Variants in ST6GALNAC3 observed in about 807,000 individuals in gnomAD.
ST6GALNAC3 encodes alpha-N-acetylgalactosaminide alpha-2,6-sialyltransferase 3.
Under a neutral mutation model 32.7 loss-of-function variants are expected in ST6GALNAC3, and 25 were observed. The ratio of observed to expected loss-of-function variants is 0.76; its 90% confidence interval spans 0.56 to 1.07. The LOEUF is 1.07. ST6GALNAC3 is among the 50% of genes least tolerant of loss of function. The pLI is 0.00. For synonymous variants in ST6GALNAC3, 129 were observed against 133.1 expected (o/e 0.97, Z 0.21); for missense variants, 355 against 382.4 (o/e 0.93, Z 0.60).
At chr1:76,329,679 A>T (rs1647149756) in intron 2 of ST6GALNAC3, among the ~76,000 whole-genome samples, 1 of 152,166 alleles carries the variant, frequency 6.6e-6, no homozygotes, top group Non-Finnish European at 1.5e-5. Context: ...AATAACTAAT[A>T]ATTATAAACA....
intron 1 of ST6GALNAC3, among the ~76,000 whole-genome samples, chr1:76,091,430 A>G (rs1647044276): frequency 6.6e-6 from 1 of 152,202 alleles, no homozygotes; most frequent in African/African-American, 2.4e-5. Flanking sequence ...CTTCTGCCCC[A>G]TTGTGCATTA....
intron 3 of ST6GALNAC3, among the ~76,000 whole-genome samples, chr1:76,463,402 T>C (rs954458923): frequency 6.6e-6 from 1 of 152,182 alleles, no homozygotes; most frequent in African/African-American, 2.4e-5. Flanking sequence ...TCATTGGAGA[T>C]AAGACAGTTT....
At chr1:76,411,310 G>C (rs1654219217) in intron 2 of ST6GALNAC3, among the ~76,000 whole-genome samples, 1 of 152,062 alleles carries the variant, frequency 6.6e-6, no homozygotes, top group South Asian at 2.1e-4. Context: ...TAAATAAAAA[G>C]GGAGAAAGGG....
chr1:76,314,049 G>T, intron 2 of ST6GALNAC3, 50 bp downstream of exon 2: 10 of 1,556,338 alleles, frequency 6.4e-6, no homozygotes, highest in Non-Finnish European at 8.7e-6. Flanking sequence ...CATGGTAACA[G>T]CTTTTCTTTA....
chr1:76,600,921 G>T, intron 3 of ST6GALNAC3, among the ~76,000 whole-genome samples: 1 of 152,276 alleles, frequency 6.6e-6, no homozygotes, highest in African/African-American at 2.4e-5. Flanking sequence ...GGTCACTCAC[G>T]CCTGTAATCC....
At chr1:76,545,979 A>C (rs983907017) in intron 3 of ST6GALNAC3, among the ~76,000 whole-genome samples, 1 of 152,186 alleles carries the variant, frequency 6.6e-6, no homozygotes, top group African/African-American at 2.4e-5. Flanking sequence ...TTTACAGATG[A>C]AAAAACTGAG....
At chr1:76,362,759 A>G (rs1383996585) in intron 2 of ST6GALNAC3, among the ~76,000 whole-genome samples, 1 of 152,256 alleles carries the variant, frequency 6.6e-6, no homozygotes, top group Non-Finnish European at 1.5e-5. Flanking sequence ...CATCTGGGAC[A>G]CACTGATGCA....
chr1:76,581,679 A>G (rs1449517096), intron 3 of ST6GALNAC3, among the ~76,000 whole-genome samples: 1 of 152,190 alleles, frequency 6.6e-6, no homozygotes, highest in Non-Finnish European at 1.5e-5. Flanking sequence ...ATACTTGAAC[A>G]TTGGCAATTT....
chr1:76,590,625 T>A (rs971368202), intron 3 of ST6GALNAC3, among the ~76,000 whole-genome samples: 1 of 152,198 alleles, frequency 6.6e-6, no homozygotes, highest in Non-Finnish European at 1.5e-5. Context: ...ATATTTAAAA[T>A]TAATAATTTT....
chr1:76,522,184 T>A (rs145703279), intron 3 of ST6GALNAC3, among the ~76,000 whole-genome samples: 63 of 152,276 alleles, frequency 4.1e-4, no homozygotes, highest in African/African-American at 1.4e-3. Flanking sequence ...TCAAAGATAC[T>A]GTGTATTTTT....
chr1:76,350,119 GT>G (rs536534126), intron 2 of ST6GALNAC3, among the ~76,000 whole-genome samples: 1 of 151,496 alleles, frequency 6.6e-6, no homozygotes, highest in Admixed American at 6.6e-5. Context: ...ATTTCTGTTG[GT>G]TTTTTTTCAA....
intron 3 of ST6GALNAC3, among the ~76,000 whole-genome samples, chr1:76,487,190 G>C (rs926281550): frequency 2.0e-5 from 3 of 152,096 alleles, no homozygotes; most frequent in Non-Finnish European, 2.9e-5. Context: ...TGGTGAAACT[G>C]ACAATTATAT....
intron 1 of ST6GALNAC3, among the ~76,000 whole-genome samples, chr1:76,195,231 C>G (rs1654133276): frequency 6.6e-6 from 1 of 152,132 alleles, no homozygotes; most frequent in African/African-American, 2.4e-5. Context: ...AAAACATCTG[C>G]CAACTGCCCA....
chr1:76,280,053 C>G (rs1659409810), intron 1 of ST6GALNAC3, among the ~76,000 whole-genome samples: 2 of 151,918 alleles, frequency 1.3e-5, no homozygotes, highest in East Asian at 3.9e-4. Flanking sequence ...TTTTCGTTCT[C>G]TTATTTGTTC....
At position 76,421,912 on chromosome 1, in the gene ST6GALNAC3, C is replaced by A. The variant is rs138884704; in HGVS notation, c.623+9495C>A. ...ACACGTGTTTACAGTGACTTCCAAT[C>A]ACTTCTGATGAGTCTACCATGATAG... On this transcript the variant is annotated intron_variant, in intron 3 of 4. Coordinates refer to ENST00000328299, the MANE Select transcript of ST6GALNAC3 (RefSeq NM_152996.4). Among the ~76,000 whole-genome samples the A allele has an allele frequency of 6.4e-4, 97 of 152,106 alleles. 1 individual carries two copies. In the East Asian group the frequency reaches 0.017, roughly 26 times the overall value.
intron 3 of ST6GALNAC3, among the ~76,000 whole-genome samples, chr1:76,621,641 T>C (rs1165873588): frequency 6.6e-6 from 1 of 152,060 alleles, no homozygotes; most frequent in African/African-American, 2.4e-5. Flanking sequence ...CTGCTTCCAT[T>C]AGACTGGTTC....
At chr1:76,515,316 T>G (rs1243814078) in intron 3 of ST6GALNAC3, among the ~76,000 whole-genome samples, 1 of 152,158 alleles carries the variant, frequency 6.6e-6, no homozygotes, top group Non-Finnish European at 1.5e-5. Flanking sequence ...TTTTGGGATC[T>G]TATCATATTT....
At chr1:76,171,148 CAT>C (rs1205455377) in intron 1 of ST6GALNAC3, among the ~76,000 whole-genome samples, 1 of 150,356 alleles carries the variant, frequency 6.7e-6, no homozygotes, top group Admixed American at 6.6e-5. Flanking sequence ...CCCAAATAAT[CAT>C]ATTATATAGA....
intron 1 of ST6GALNAC3, among the ~76,000 whole-genome samples, chr1:76,224,560 G>T (rs555010669): frequency 3.9e-5 from 6 of 152,192 alleles, no homozygotes; most frequent in Non-Finnish European, 8.8e-5. Context: ...AGTCTCCTAT[G>T]TTAAATAATA....
Sources: allele counts gnomAD v4.1 joint callset (sites outside exome capture counted in the v4.1 genomes callset), GRCh38; gene constraint gnomAD v4.1.1; transcripts MANE v1.5; gene names NCBI Gene and HGNC (gene_info 2026-07-23, HGNC 2026-07-21).